Variants in KIRREL3 observed in about 807,000 individuals in gnomAD.
KIRREL3 encodes the protein kin of IRRE-like protein 3.
KIRREL3 carries 36 observed loss-of-function variants against 89.7 expected under a neutral mutation model. The observed-to-expected ratio is 0.40, with a 90% CI of 0.31 to 0.53. The LOEUF (loss-of-function observed/expected upper bound fraction) is 0.53, where lower values mean the gene tolerates loss of function less well. KIRREL3 is among the 20% of genes least tolerant of loss of function. The pLI, the probability that KIRREL3 is intolerant of heterozygous loss-of-function variation, is 0.49. For synonymous variants in KIRREL3, 445 were observed against 441.4 expected (o/e 1.01, Z -0.10); for missense variants, 864 against 1,056.6 (o/e 0.82, Z 2.53).
chr11:126,663,262 C>A (rs566096582), intron 1 of KIRREL3, among the ~76,000 whole-genome samples: 1 of 145,704 alleles, frequency 6.9e-6, no homozygotes, highest in Non-Finnish European at 1.5e-5. Context: ...CTTCTTTCAC[C>A]GCAAACTCTG....
At chr11:126,580,969 G>A (rs1398188890) in intron 1 of KIRREL3, among the ~76,000 whole-genome samples, 1 of 151,834 alleles carries the variant, frequency 6.6e-6, no homozygotes, top group East Asian at 1.9e-4. Flanking sequence ...ACTGCCTATG[G>A]TGAAGTAGGT....
At chr11:126,650,058 G>A (rs1016318811) in intron 1 of KIRREL3, among the ~76,000 whole-genome samples, 1 of 152,234 alleles carries the variant, frequency 6.6e-6, no homozygotes, top group Admixed American at 6.5e-5. Context: ...ACCCCATGAA[G>A]CCATGGCCTG....
At position 126,808,626 on chromosome 11, in the gene KIRREL3, G is replaced by A. The variant is rs2187573; in HGVS notation, c.55+191829C>T. Among the ~76,000 whole-genome samples the A allele has an allele frequency of 1.6e-4, 24 of 152,146 alleles. No individual in the cohort carries two copies. The highest frequency in any genetic ancestry group is 3.4e-4 in the Non-Finnish European group (23 of 68,032). On this transcript the variant is annotated intron_variant, in intron 1 of 16. Transcript: ENST00000525144. This position sits in a 1 kb window ranked among gnomAD's most constrained non-coding sequence, Gnocchi z 4.1. ...AGCAGCAAAATGGAGCCAAATGGGC[G>A]GGGGCCTTTTTCTGCGCTTTTTAAC... is the stretch of plus-strand genomic sequence containing the variant.
chr11:126,900,529 C>T lies in KIRREL3; in HGVS notation c.55+99926G>A, dbSNP rs528270369. Among the ~76,000 whole-genome samples the T allele has an allele frequency of 3.3e-4, 50 of 152,260 alleles. No individual in the cohort carries two copies. Among genetic ancestry groups the T allele is most frequent in the African/African-American group, 1.1e-3 (46 of 41,560 alleles). On this transcript the variant is annotated intron_variant, in intron 1 of 16. Coordinates refer to ENST00000525144, the MANE Select transcript of KIRREL3 (RefSeq NM_032531.4). This position sits in a 1 kb window ranked among gnomAD's most constrained non-coding sequence, Gnocchi z 4.4. ...CAATAATTTCTTTGTGAGTGCTGGACTTCTGAGGCCTGTTTTCTCTGTTGG... is the reference window on the plus strand; with the variant it reads ...CAATAATTTCTTTGTGAGTGCTGGATTTCTGAGGCCTGTTTTCTCTGTTGG...
Position 126,923,184 on chromosome 11 carries a change from CTTCTCTTCTTCTTCTTCTTCTTCT to C in KIRREL3, c.55+77247_55+77270del, listed in dbSNP as rs1947464885. ...TTCTTCTTCTTCTTCTTCTCTTCTT[CTTCTCTTCTTCTTCTTCTTCTTCT>C]TCTTCTTCTTCTTCTTCTTCTTCTT... On this transcript the variant is annotated intron_variant, in intron 1 of 16. Coordinates refer to ENST00000525144, the MANE Select transcript of KIRREL3 (RefSeq NM_032531.4). Among the ~76,000 whole-genome samples the C allele has an allele frequency of 8.8e-5, 2 of 22,748 alleles. 1 individual carries two copies. Among genetic ancestry groups the C allele is most frequent in the Non-Finnish European group, 1.7e-4 (2 of 11,656 alleles). 14.9% of individuals were successfully genotyped at this position (22,748 alleles called of 152,430 possible).
At chr11:126,952,106 C>T (rs1334213158) in intron 1 of KIRREL3, among the ~76,000 whole-genome samples, 1 of 152,076 alleles carries the variant, frequency 6.6e-6, no homozygotes, top group East Asian at 1.9e-4. Context: ...AGAGTTTTGG[C>T]TGGGCACGGT....
intron 1 of KIRREL3, among the ~76,000 whole-genome samples, chr11:126,730,214 C>T (rs189481122): frequency 5.3e-5 from 8 of 152,366 alleles, no homozygotes; most frequent in Admixed American, 5.2e-4. Context: ...CCCCGCAGAA[C>T]CCACTGCCGA....
Position 126,706,941 on chromosome 11 carries a change from C to CT in KIRREL3, c.56-144030dup, listed in dbSNP as rs574581679. 2.7e-3 allele frequency among the ~76,000 whole-genome samples: 373 copies of CT among 136,450 alleles called. 1 individual carries two copies. Among genetic ancestry groups the CT allele is most frequent in the Non-Finnish European group, 3.4e-3 (210 of 62,650 alleles). The allele number at this position is 136,450 out of a possible 152,430, so 89.5% of individuals were successfully genotyped here. A position where few individuals can be genotyped will look rare whatever the true frequency, so the allele number is the denominator to read the frequency against. ...TTTTTTTCCACAGATTGTTTTTTGA[C>CT]TTTTTTTTTTTTTTTAAGAGATGGG... On this transcript the variant is annotated intron_variant, in intron 1 of 16. Coordinates refer to ENST00000525144, the MANE Select transcript of KIRREL3 (RefSeq NM_032531.4).
At chr11:126,507,728 G>T (rs774092937) in intron 4 of KIRREL3, among the ~76,000 whole-genome samples, 22 of 152,172 alleles carry the variant, frequency 1.4e-4, no homozygotes, top group Non-Finnish European at 2.5e-4. Context: ...CTAATCAAAG[G>T]TTTTTGAGGG....
intron 1 of KIRREL3, among the ~76,000 whole-genome samples, chr11:126,960,706 C>A (rs187622758): frequency 6.6e-5 from 10 of 152,228 alleles, no homozygotes; most frequent in Admixed American, 5.9e-4. Flanking sequence ...CTCCACCCCT[C>A]TCTTTTCTTT....
At chr11:126,949,693 C>A (rs1341700086) in intron 1 of KIRREL3, among the ~76,000 whole-genome samples, 1 of 152,182 alleles carries the variant, frequency 6.6e-6, no homozygotes, top group Non-Finnish European at 1.5e-5. Flanking sequence ...GAGTGGGAAG[C>A]CTGCTGTATC....
chr11:126,799,054 C>T (rs1400338934), intron 1 of KIRREL3, among the ~76,000 whole-genome samples: 1 of 150,930 alleles, frequency 6.6e-6, no homozygotes, highest in Non-Finnish European at 1.5e-5. Context: ...CTCTGTGTAT[C>T]TGTGTGCGTG....
At chr11:126,767,819 C>T (rs1949876619) in intron 1 of KIRREL3, among the ~76,000 whole-genome samples, 1 of 152,142 alleles carries the variant, frequency 6.6e-6, no homozygotes, top group African/African-American at 2.4e-5. Context: ...GAATTCGCTG[C>T]AAGAATTTGT....
At chr11:126,952,740 T>G (rs987181706) in intron 1 of KIRREL3, among the ~76,000 whole-genome samples, 1 of 152,214 alleles carries the variant, frequency 6.6e-6, no homozygotes, top group African/African-American at 2.4e-5. Context: ...CTTGAGTTAA[T>G]TTTTGTATAT....
chr11:127,001,414 A>T (rs759266870), upstream of KIRREL3, among the ~76,000 whole-genome samples: 10 of 151,828 alleles, frequency 6.6e-5, no homozygotes, highest in Non-Finnish European at 1.3e-4. Context: ...GAAGGCAAGT[A>T]GGCTTGTGAC....
intron 1 of KIRREL3, among the ~76,000 whole-genome samples, chr11:126,945,652 T>G (rs535233143): frequency 1.9e-4 from 29 of 152,236 alleles, no homozygotes; most frequent in African/African-American, 6.5e-4. Context: ...AGATGTTCCC[T>G]CCTCCTTGAG....
intron 5 of KIRREL3, among the ~76,000 whole-genome samples, chr11:126,472,703 G>GGAGAGGGAGAGAGAGAGAGAGAGA (rs1843646588): frequency 4.5e-5 from 6 of 134,148 alleles, no homozygotes; most frequent in African/African-American, 1.1e-4. Flanking sequence ...AGGACATAGA[G>GGAGAGGGAGAGAGAGAGAGAGAGA]GAGAGAGAGA....
rs1218774693 is a variant in KIRREL3, at chr11:126,830,292, A to G, written c.55+170163T>C. 6.6e-6 allele frequency among the ~76,000 whole-genome samples: 1 copy of G among 152,182 alleles called. No homozygotes were observed. Among genetic ancestry groups the G allele is most frequent in the African/African-American group, 2.4e-5 (1 of 41,430 alleles). ...CCAGCAGCTGCAAATATTCATTAATAATATTTTGTTTGGGTTCCCACTTGC... is the reference window on the plus strand; with the variant it reads ...CCAGCAGCTGCAAATATTCATTAATGATATTTTGTTTGGGTTCCCACTTGC... On this transcript the variant is annotated intron_variant, in intron 1 of 16. Coordinates refer to ENST00000525144, the MANE Select transcript of KIRREL3 (RefSeq NM_032531.4). This position sits in a 1 kb window ranked among gnomAD's most constrained non-coding sequence, Gnocchi z 4.9.
Position 126,837,711 on chromosome 11 carries a change from C to T in KIRREL3, c.55+162744G>A, listed in dbSNP as rs187645751. 7.2e-5 allele frequency among the ~76,000 whole-genome samples: 11 copies of T among 152,302 alleles called. No individual in the cohort carries two copies. In the East Asian group the frequency reaches 1.3e-3, roughly 19 times the overall value. ...ACAAAAGATGTCAGTGGTCTGGCAA[C>T]GGTACCTCAGTGACAAACTATTGTG... On this transcript the variant is annotated intron_variant, in intron 1 of 16. Transcript: ENST00000525144. The surrounding 1 kb of genome is among the most constrained non-coding windows in gnomAD (Gnocchi z 4.7).
Sources: allele counts gnomAD v4.1 joint callset (sites outside exome capture counted in the v4.1 genomes callset), GRCh38; gene constraint gnomAD v4.1.1; non-coding constraint Gnocchi (gnomAD v3.1); transcripts MANE v1.5; gene names NCBI Gene and HGNC (gene_info 2026-07-23, HGNC 2026-07-21).